COPG2: variants seen among roughly 807,000 people sequenced by gnomAD.
COPG2 encodes the protein coatomer subunit gamma-2.
A neutral mutation model predicts 46.3 loss-of-function variants in COPG2; 37 were observed. That is an observed-to-expected ratio of 0.80 (90% CI 0.61 to 1.05). The LOEUF (loss-of-function observed/expected upper bound fraction) is 1.05. Ranked by LOEUF, COPG2 falls within the 50% of genes least tolerant of loss-of-function variation. The pLI, the probability that COPG2 is intolerant of heterozygous loss-of-function variation, is 0.00. For missense variants in COPG2, 427 were observed against 387.8 expected (o/e 1.10, Z -0.85); for synonymous variants, 159 against 129.7 (o/e 1.23, Z -1.53).
At chr7:130,665,644 G>A (rs1796062124) in intron 3 of COPG2, among the ~76,000 whole-genome samples, 1 of 152,034 alleles carries the variant, frequency 6.6e-6, no homozygotes, top group African/African-American at 2.4e-5. Context: ...ACTTATATAT[G>A]GGAGGATATG....
At chr7:130,525,671 T>C (rs999573202) in intron 20 of COPG2, among the ~76,000 whole-genome samples, 1 of 152,120 alleles carries the variant, frequency 6.6e-6, no homozygotes, top group Non-Finnish European at 1.5e-5. Context: ...TACATAGAGA[T>C]GAAATAAAGT....
chr7:130,616,498 G>A (rs1794951585), intron 6 of COPG2, among the ~76,000 whole-genome samples: 1 of 152,170 alleles, frequency 6.6e-6, no homozygotes, highest in Non-Finnish European at 1.5e-5. Context: ...GCTGAGGCAG[G>A]AGAATTACTT....
chr7:130,545,881 T>C (rs1290589974), intron 20 of COPG2, among the ~76,000 whole-genome samples: 1 of 152,164 alleles, frequency 6.6e-6, no homozygotes, highest in Non-Finnish European at 1.5e-5. Context: ...GTTGTTGGTT[T>C]TTTCCTATAC....
chr7:130,537,227 T>C (rs1402155889), intron 20 of COPG2, among the ~76,000 whole-genome samples: 1 of 150,880 alleles, frequency 6.6e-6, no homozygotes, highest in Non-Finnish European at 1.5e-5. Flanking sequence ...AAAGAAAGGA[T>C]GAGAAAAGAA....
At chr7:130,615,495 A>T (rs3792317) in intron 6 of COPG2, among the ~76,000 whole-genome samples, 120,832 of 152,136 alleles carry the variant, frequency 0.79, 48,282 homozygotes, top group Non-Finnish European at 0.85. Flanking sequence ...CACCCCAACA[A>T]GTTTTTTGAT....
intron 16 of COPG2, among the ~76,000 whole-genome samples, chr7:130,550,885 T>C (rs933441853): frequency 6.6e-6 from 1 of 152,156 alleles, no homozygotes; most frequent in Admixed American, 6.5e-5. Flanking sequence ...TTCAACAAAA[T>C]GTATGTACCT....
At chr7:130,519,804 A>C (rs975022455) in intron 20 of COPG2, among the ~76,000 whole-genome samples, 148 of 152,350 alleles carry the variant, frequency 9.7e-4, no homozygotes, top group African/African-American at 3.2e-3. Flanking sequence ...AAAAACAATA[A>C]GACAGATCAA....
intron 20 of COPG2, among the ~76,000 whole-genome samples, chr7:130,531,261 G>A (rs1462655888): frequency 1.3e-5 from 2 of 151,834 alleles, no homozygotes; most frequent in Non-Finnish European, 2.9e-5. Flanking sequence ...TTAACTGATA[G>A]ATTATATATG....
At chr7:130,645,268 A>C (rs1295679316) in intron 5 of COPG2, 1 of 653,834 alleles carries the variant, frequency 1.5e-6, no homozygotes, top group Non-Finnish European at 2.9e-6. Flanking sequence ...AAGAGATATT[A>C]CCTGGGGGGC....
In COPG2 at chr7:130,551,212, A is replaced by G. The variant is rs1226078250; in HGVS notation, c.1648+29T>C. 6 of 398,476 alleles carry G rather than the reference A, an allele frequency of 1.5e-5. No individual in the cohort carries two copies. The South Asian group carries it at 3.8e-4, about 25-fold the overall frequency. The allele number at this position is 398,476 out of a possible 1,614,324, so 24.7% of individuals were successfully genotyped here. A position where few individuals can be genotyped will look rare whatever the true frequency, so the allele number is the denominator to read the frequency against. On this transcript the variant is annotated intron_variant, in intron 16 of 23. Transcript: ENST00000425248. ...GCTTCCAAGACACCATTTGAGGAACAAAAGTGTACATCCTTGGCTTTCACT... is the reference window on the plus strand; with the variant it reads ...GCTTCCAAGACACCATTTGAGGAACGAAAGTGTACATCCTTGGCTTTCACT...
At chr7:130,603,795 T>G (rs781913409) in intron 9 of COPG2, 2 of 517,036 alleles carry the variant, frequency 3.9e-6, no homozygotes, top group Admixed American at 3.9e-5. Context: ...GTACAGTTGA[T>G]CCTCGAACAA....
chr7:130,513,365 A>G (rs1260146756), intron 20 of COPG2, among the ~76,000 whole-genome samples: 107 of 47,254 alleles, frequency 2.3e-3, no homozygotes, highest in African/African-American at 4.7e-3. Context: ...GTGTGTATAT[A>G]TATATATATA....
At chr7:130,531,636 A>T (rs1392404870) in intron 20 of COPG2, among the ~76,000 whole-genome samples, 2 of 152,094 alleles carry the variant, frequency 1.3e-5, no homozygotes, top group African/African-American at 4.8e-5. Flanking sequence ...GAAAATAAGG[A>T]AGGGAATGCG....
intron 9 of COPG2, among the ~76,000 whole-genome samples, chr7:130,591,125 C>T (rs1176869410): frequency 3.2e-5 from 4 of 126,510 alleles, no homozygotes; most frequent in African/African-American, 5.5e-5. Flanking sequence ...CCAGCTGCCC[C>T]GTCCGGAAGG....
At chr7:130,634,799 G>A (rs1795303683) in intron 5 of COPG2, among the ~76,000 whole-genome samples, 1 of 151,918 alleles carries the variant, frequency 6.6e-6, no homozygotes, top group African/African-American at 2.4e-5. Context: ...GTTTTCAAAG[G>A]GAATGCTGCC....
intron 20 of COPG2, among the ~76,000 whole-genome samples, chr7:130,524,059 G>A (rs1327111499): frequency 1.3e-5 from 2 of 152,080 alleles, no homozygotes; most frequent in Admixed American, 6.6e-5. Context: ...ATTCACAGGC[G>A]CATGTTCCCC....
At chr7:130,603,369 T>C (rs1794672530) in intron 9 of COPG2, among the ~76,000 whole-genome samples, 1 of 152,232 alleles carries the variant, frequency 6.6e-6, no homozygotes, top group Non-Finnish European at 1.5e-5. Context: ...TCTGACTATA[T>C]GAATATACCA....
At chr7:130,508,487 A>G in intron 21 of COPG2, 75 bp downstream of exon 21, 2 of 685,254 alleles carry the variant, frequency 2.9e-6, no homozygotes, top group South Asian at 1.6e-5. Context: ...GCTCCTAGAA[A>G]AATGTTCTCT....
chr7:130,590,959 G>T (rs1398837054), intron 9 of COPG2, among the ~76,000 whole-genome samples: 1 of 150,924 alleles, frequency 6.6e-6, no homozygotes, highest in Non-Finnish European at 1.5e-5. Context: ...CATCTGAGAA[G>T]TGAGGAGCCC....
Sources: allele counts gnomAD v4.1 joint callset (sites outside exome capture counted in the v4.1 genomes callset), GRCh38; gene constraint gnomAD v4.1.1; transcripts MANE v1.5; gene names NCBI Gene and HGNC (gene_info 2026-07-23, HGNC 2026-07-21).